The following ZNF292 variants were observed in gnomAD, a reference collection of about 807,000 sequenced individuals.
ZNF292 encodes the protein 16 zinc-finger domain protein.
A neutral mutation model predicts 217.9 loss-of-function variants in ZNF292; 26 were observed. The observed-to-expected ratio is 0.12, with a 90% CI of 0.09 to 0.17. ZNF292 has a LOEUF of 0.17. Among genes scored for constraint, ZNF292 ranks in the 10% least tolerant of loss-of-function variants. The probability of loss-of-function intolerance (pLI) is 1.00; values close to 1 mark genes in which losing one functional copy is unlikely to be tolerated. For missense variants in ZNF292, 2,904 were observed against 3,175.2 expected (o/e 0.91, Z 2.05); for synonymous variants, 1,257 against 1,124.1 (o/e 1.12, Z -2.37).
chr6:87,229,247 A>G (rs1039766928), intron 4 of ZNF292, among the ~76,000 whole-genome samples: 1 of 151,872 alleles, frequency 6.6e-6, no homozygotes, highest in African/African-American at 2.4e-5. Context: ...ACTGATATTT[A>G]TGTGTGGATT....
At position 87,261,002 on chromosome 6, in the gene ZNF292, G is replaced by A; in HGVS notation, c.7373G>A (p.Ser2458Asn). The change falls in exon 8 of 8, where the codon AGC becomes AAC. Residue 2458 changes from serine (S) to asparagine (N), a missense_variant. This residue lies in a region of ZNF292 where 380 missense variants were observed against 355.3 expected (regional missense o/e 1.07). Transcript: ENST00000369577. Reference sequence around the variant, plus strand: ...GATTCTGACACGTGTGTATCAGAGAGCAATGATAATTCAAGAACAACAGCT... The same window carrying A: ...GATTCTGACACGTGTGTATCAGAGAACAATGATAATTCAAGAACAACAGCT... Reference protein sequence around the residue: ...VKDSDTCVSESNDNSRTTATV... With the variant: ...VKDSDTCVSENNDNSRTTATV... 1.2e-6 allele frequency: 2 copies of A among 1,605,680 alleles called. No individual in the cohort carries two copies. The highest frequency in any genetic ancestry group is 2.2e-5 in the South Asian group (2 of 89,958).
At chr6:87,170,667 A>G (rs1361384099) in intron 1 of ZNF292, among the ~76,000 whole-genome samples, 3 of 152,226 alleles carry the variant, frequency 2.0e-5, no homozygotes, top group African/African-American at 4.8e-5. Context: ...CATGAAAACC[A>G]TCCTTTATAA....
intron 4 of ZNF292, among the ~76,000 whole-genome samples, chr6:87,232,504 C>A (rs13218527): frequency 6.6e-6 from 1 of 152,054 alleles, no homozygotes; most frequent in Non-Finnish European, 1.5e-5. Context: ...GATTTCTATT[C>A]TGGTAAAGAA....
Position 87,229,566 on chromosome 6 carries a change from A to G in ZNF292, c.539-3759A>G, listed in dbSNP as rs574877262. Among the ~76,000 whole-genome samples, 20 of 152,290 alleles carry G rather than the reference A, an allele frequency of 1.3e-4. No homozygotes were observed. The South Asian group carries it at 3.9e-3, about 30-fold the overall frequency. On this transcript the variant is annotated intron_variant, in intron 4 of 7. Coordinates refer to ENST00000369577, the MANE Select transcript of ZNF292 (RefSeq NM_015021.3). ...CTCAGCCTCCCGAGTAGCTGGGATT[A>G]CAGGCATGCGCCTCCACGCCCAGCT...
intron 1 of ZNF292, among the ~76,000 whole-genome samples, chr6:87,177,702 CTT>C (rs1041003330): frequency 4.8e-4 from 73 of 152,294 alleles, no homozygotes; most frequent in African/African-American, 1.7e-3. Context: ...AAAATCCCAA[CTT>C]CACCATCTAC....
chr6:87,175,463 G>A (rs141633536), intron 1 of ZNF292, among the ~76,000 whole-genome samples: 362 of 152,232 alleles, frequency 2.4e-3, no homozygotes, highest in African/African-American at 8.5e-3. Context: ...AGCCACCTGA[G>A]TAGCTAGGAT....
intron 1 of ZNF292, among the ~76,000 whole-genome samples, chr6:87,202,404 CTACTA>C (rs1256771807): frequency 2.0e-5 from 3 of 152,138 alleles, no homozygotes; most frequent in African/African-American, 4.8e-5. Context: ...TTATATCTAA[CTACTA>C]TACTGAATTC....
rs1409553606 is a variant in ZNF292 at position 87,262,832 on chromosome 6, T to TA, written c.*1034dup. On this transcript the variant is annotated 3_prime_UTR_variant, in exon 8 of 8. Coordinates refer to ENST00000369577, the MANE Select transcript of ZNF292 (RefSeq NM_015021.3). ...GATTGGTGTATAGCTTTAAACTGTATAAAGTTTTGTGGAAAGATTTTTTTA... is the reference window on the plus strand; with the variant it reads ...GATTGGTGTATAGCTTTAAACTGTATAAAAGTTTTGTGGAAAGATTTTTTTA... 9 of 152,038 alleles carry TA rather than the reference T, an allele frequency of 5.9e-5. No homozygotes were observed. The highest frequency in any genetic ancestry group is 3.3e-4 in the Admixed American group (5 of 15,250). The allele number at this position is 152,038 out of a possible 1,614,324, so 9.4% of individuals were successfully genotyped here.
intron 3 of ZNF292, among the ~76,000 whole-genome samples, chr6:87,217,435 A>T (rs1019066893): frequency 6.6e-6 from 1 of 152,052 alleles, no homozygotes; most frequent in Non-Finnish European, 1.5e-5. Flanking sequence ...TTGATCATGC[A>T]TATTCTACTT....
At chr6:87,183,869 G>A (rs754751699) in intron 1 of ZNF292, among the ~76,000 whole-genome samples, 1 of 152,168 alleles carries the variant, frequency 6.6e-6, no homozygotes, top group Non-Finnish European at 1.5e-5. Context: ...ATACCATGAT[G>A]GACAACTGAG....
At chr6:87,236,095 G>T (rs1376454372) in intron 5 of ZNF292, among the ~76,000 whole-genome samples, 1 of 152,188 alleles carries the variant, frequency 6.6e-6, no homozygotes, top group Non-Finnish European at 1.5e-5. Flanking sequence ...CAGAGACATT[G>T]CCCCCTTTAG....
chr6:87,245,722 G>C, intron 7 of ZNF292, 78 bp downstream of exon 7: 2 of 973,388 alleles, frequency 2.1e-6, no homozygotes, highest in Non-Finnish European at 2.8e-6. Context: ...TTATGATTTT[G>C]GCTCCCTTTT....
chr6:87,230,711 G>A (rs1773608626), intron 4 of ZNF292, among the ~76,000 whole-genome samples: 2 of 151,474 alleles, frequency 1.3e-5, no homozygotes, highest in African/African-American at 4.9e-5. Context: ...TCCAACCTGG[G>A]TGACAGAGAG....
intron 1 of ZNF292, among the ~76,000 whole-genome samples, chr6:87,208,750 TA>T (rs1475969115): frequency 1.3e-5 from 2 of 152,186 alleles, no homozygotes; most frequent in East Asian, 3.8e-4. Context: ...TTTTCACAAA[TA>T]AGGGGGTCTA....
chr6:87,254,505 C>A, intron 7 of ZNF292, 145 bp from the exon 8 acceptor site: 1 of 729,072 alleles, frequency 1.4e-6, no homozygotes. Context: ...CCAGACTAAG[C>A]TGCAGTGCTT....
chr6:87,204,650 G>A (rs987781363), intron 1 of ZNF292, among the ~76,000 whole-genome samples: 22 of 127,968 alleles, frequency 1.7e-4, no homozygotes, highest in African/African-American at 5.7e-4. Flanking sequence ...TGCAACCTCC[G>A]CCTCCTGGGT....
intron 1 of ZNF292, among the ~76,000 whole-genome samples, chr6:87,160,460 T>C (rs1240730226): frequency 6.6e-6 from 1 of 150,656 alleles, no homozygotes; most frequent in Non-Finnish European, 1.5e-5. Context: ...TGTGTGTATG[T>C]GTATACATAC....
At chr6:87,249,654 C>T (rs1774800400) in intron 7 of ZNF292, among the ~76,000 whole-genome samples, 1 of 151,986 alleles carries the variant, frequency 6.6e-6, no homozygotes, top group Non-Finnish European at 1.5e-5. Context: ...TAATAACTCT[C>T]TTCATTTTCC....
intron 1 of ZNF292, among the ~76,000 whole-genome samples, chr6:87,207,110 T>C (rs924840749): frequency 5.3e-5 from 8 of 152,238 alleles, no homozygotes; most frequent in Non-Finnish European, 1.5e-5. Flanking sequence ...CGTGCGCATG[T>C]GCATTTTGCG....
Sources: allele counts gnomAD v4.1 joint callset (sites outside exome capture counted in the v4.1 genomes callset), GRCh38; gene constraint gnomAD v4.1.1; regional missense constraint gnomAD v4.1.1; transcripts MANE v1.5; gene names NCBI Gene and HGNC (gene_info 2026-07-23, HGNC 2026-07-21).